Variants in PMF1 observed in about 807,000 individuals in gnomAD.
PMF1 encodes the protein polyamine modulated factor 1, also known as polyamine-modulated factor 1.
PMF1 carries 21 observed loss-of-function variants against 26.7 expected under a neutral mutation model. The ratio of observed to expected loss-of-function variants is 0.79; its 90% CI spans 0.56 to 1.13. PMF1 has a LOEUF of 1.13. Ranked by LOEUF, PMF1 falls within the 50% of genes most tolerant of loss-of-function variation. PMF1 has a pLI of 0.00. For synonymous variants in PMF1, 105 were observed against 101.0 expected (o/e 1.04, Z -0.24); for missense variants, 266 against 254.9 (o/e 1.04, Z -0.30).
At chr1:156,232,045 G>A (rs1038727212) in intron 1 of PMF1, among the ~76,000 whole-genome samples, 1 of 152,202 alleles carries the variant, frequency 6.6e-6, no homozygotes, top group African/African-American at 2.4e-5. Context: ...GCTAGAAACT[G>A]TGGAAGGAGT....
chr1:156,237,438 T>C (rs926331167), intron 4 of PMF1: 1 of 131,160 alleles, frequency 7.6e-6, no homozygotes, highest in African/African-American at 2.6e-5. Flanking sequence ...CAGCATGTTA[T>C]TTTTTGTCTT....
intron 1 of PMF1, among the ~76,000 whole-genome samples, chr1:156,221,348 TG>T (rs1470054796): frequency 6.6e-5 from 10 of 152,246 alleles, no homozygotes; most frequent in Non-Finnish European, 2.9e-5. Context: ...CTGCCAAGAA[TG>T]GTCTTCCTTC....
intron 4 of PMF1, among the ~76,000 whole-genome samples, chr1:156,238,384 C>T (rs376799676): frequency 1.8e-4 from 27 of 152,232 alleles, no homozygotes; most frequent in Admixed American, 5.2e-4. Flanking sequence ...GAAAGTGGCC[C>T]GACATCACTT....
At chr1:156,234,597 C>T (rs914580535) in intron 3 of PMF1, among the ~76,000 whole-genome samples, 1 of 151,924 alleles carries the variant, frequency 6.6e-6, no homozygotes, top group Non-Finnish European at 1.5e-5. Context: ...CAACCTCCAC[C>T]TCCTGAGTTC....
Position 156,238,047 on chromosome 1 carries a change from CTGTT to C in PMF1, c.565-1496_565-1493del, listed in dbSNP as rs147678196. ...CTTCCCAAAGTGCTGAGATTACCCA[CTGTT>C]TGTTCTTGACACCTTTGCCGACAAT... On this transcript the variant is annotated intron_variant, in intron 4 of 4. Transcript: ENST00000368277. Among the ~76,000 whole-genome samples, 921 of 152,350 alleles carry C rather than the reference CTGTT, an allele frequency of 6.0e-3. 7 individuals are homozygous for C. Among genetic ancestry groups the C allele is most frequent in the African/African-American group, 0.021 (888 of 41,584 alleles).
chr1:156,227,965 A>C (rs182010775), intron 1 of PMF1, among the ~76,000 whole-genome samples: 6 of 114,292 alleles, frequency 5.2e-5, no homozygotes, highest in Non-Finnish European at 1.1e-4. Flanking sequence ...ACGGAGTTTC[A>C]TTCTTGTTGC....
chr1:156,236,260 A>G, intron 3 of PMF1, 28 bp from the exon 4 acceptor site: 1 of 1,588,236 alleles, frequency 6.3e-7, no homozygotes, highest in Non-Finnish European at 8.6e-7. Context: ...CGCCTCCTTC[A>G]TTCCTTGTGC....
Position 156,239,551 on chromosome 1 carries a change from C to T in PMF1, c.568C>T (p.Leu190=). The change falls in exon 5 of 5, where the codon CTA becomes TTA. Residue 190 remains leucine (L), a synonymous_variant. Transcript: ENST00000368277. ...TGTTGTCTCCCATTGATTTCAGGCT[C>T]TACACAGAGAACAGAGGGAGCTGGT... is the stretch of plus-strand genomic sequence containing the variant. ...VQAQQQAWQA[L]HREQRELVAV... 1.2e-6 allele frequency: 2 copies of T among 1,613,122 alleles called. No homozygotes were observed. The highest frequency in any genetic ancestry group is 1.7e-6 in the Non-Finnish European group (2 of 1,179,702).
At chr1:156,236,601 C>G in intron 4 of PMF1, 118 bp downstream of exon 4, 1 of 1,336,526 alleles carries the variant, frequency 7.5e-7, no homozygotes, top group Non-Finnish European at 1.0e-6. Flanking sequence ...GGAGAGCTTG[C>G]CCCCTGGGGA....
intron 3 of PMF1, 108 bp from the exon 4 acceptor site, chr1:156,236,180 A>G (rs1658998609): frequency 2.0e-6 from 3 of 1,486,606 alleles, no homozygotes; most frequent in Admixed American, 2.1e-5. Flanking sequence ...AAGCCAGCCC[A>G]ACTTGGGACA....
At chr1:156,235,528 G>A (rs1281156335) in intron 3 of PMF1, among the ~76,000 whole-genome samples, 1 of 131,340 alleles carries the variant, frequency 7.6e-6, no homozygotes, top group Non-Finnish European at 1.5e-5. Context: ...TGCAAGCTCC[G>A]CCTCCTGGGT....
At position 156,233,620 on chromosome 1, in the gene PMF1, C is replaced by T. The variant is rs772864334; in HGVS notation, c.268-8C>T. ...TGTCATTACAGCTCTTTCCTCCTTT[C>T]TCTTCAGGAGGAAATCTCTGACATC... is the stretch of plus-strand genomic sequence containing the variant. On this transcript the variant is annotated splice_polypyrimidine_tract_variant and splice_region_variant and intron_variant, in intron 2 of 4. Coordinates refer to ENST00000368277, the MANE Select transcript of PMF1 (RefSeq NM_007221.4). 1.9e-6 allele frequency: 3 copies of T among 1,612,628 alleles called. No individual in the cohort carries two copies. The highest frequency in any genetic ancestry group is 2.5e-6 in the Non-Finnish European group (3 of 1,178,910).
At chr1:156,234,183 G>A (rs1027529298) in intron 3 of PMF1, among the ~76,000 whole-genome samples, 1 of 152,216 alleles carries the variant, frequency 6.6e-6, no homozygotes, top group Admixed American at 6.5e-5. Flanking sequence ...AGAGCAGACA[G>A]ACACCAAACA....
intron 1 of PMF1, among the ~76,000 whole-genome samples, chr1:156,217,236 A>C (rs1327500256): frequency 8.1e-6 from 1 of 123,986 alleles, no homozygotes; most frequent in African/African-American, 3.6e-5. Flanking sequence ...AGTATAATAA[A>C]AAAAAAAAAG....
At position 156,225,613 on chromosome 1, in the gene PMF1, A is replaced by G. The variant is rs773435973; in HGVS notation, c.162-6707A>G. 8 of 1,564,496 alleles carry G rather than the reference A, an allele frequency of 5.1e-6. No individual in the cohort carries two copies. Among genetic ancestry groups the G allele is most frequent in the Non-Finnish European group, 6.9e-6 (8 of 1,154,370 alleles). On this transcript the variant is annotated intron_variant, in intron 1 of 4. Coordinates refer to ENST00000368277, the MANE Select transcript of PMF1 (RefSeq NM_007221.4). ...GGTCCCCGCCTGCCCTCTGGTGGAC[A>G]GTCTGTGAAACAGGCCTTCAGTTGG... is the stretch of plus-strand genomic sequence containing the variant.
At chr1:156,214,494 A>G (rs1572474475) in intron 1 of PMF1, among the ~76,000 whole-genome samples, 2 of 152,170 alleles carry the variant, frequency 1.3e-5, no homozygotes, top group African/African-American at 4.8e-5. Context: ...TGGGGATACC[A>G]TGAGGCAGAC....
intron 1 of PMF1, among the ~76,000 whole-genome samples, chr1:156,228,288 T>TTTTTTTTTTTTC (rs1371074585): frequency 2.1e-5 from 3 of 143,790 alleles, no homozygotes; most frequent in Non-Finnish European, 4.6e-5. Context: ...TTTTTTTTTT[T>TTTTTTTTTTTTC]AGTGTATCAC....
intron 1 of PMF1, among the ~76,000 whole-genome samples, chr1:156,213,430 G>A (rs981992597): frequency 3.3e-5 from 5 of 152,218 alleles, no homozygotes; most frequent in South Asian, 2.1e-4. Context: ...TCAGGTGGTT[G>A]GGAGGAAAGA....
At chr1:156,234,357 T>C (rs1376878715) in intron 3 of PMF1, among the ~76,000 whole-genome samples, 1 of 122,790 alleles carries the variant, frequency 8.1e-6, no homozygotes, top group Non-Finnish European at 1.7e-5. Flanking sequence ...GGAGAAAGGG[T>C]GGGTGGGGGG....
Sources: gnomAD v4.1 joint callset for allele counts (sites outside exome capture counted in the v4.1 genomes callset) on GRCh38, gnomAD v4.1.1 for gene constraint, MANE v1.5 for transcripts, NCBI Gene and HGNC (gene_info 2026-07-23, HGNC 2026-07-21) for gene names.